Variants in MALRD1 observed in about 807,000 individuals in gnomAD.
The protein encoded by MALRD1 is MAM and LDL receptor class A domain containing 1.
Under a neutral mutation model 242.1 loss-of-function variants are expected in MALRD1, and 247 were observed. That is an observed-to-expected ratio of 1.02 (90% confidence interval 0.92 to 1.13). The LOEUF is 1.13. MALRD1 is among the 50% of genes most tolerant of loss of function. The probability of loss-of-function intolerance (pLI) is 0.00; values close to 1 mark genes in which losing one functional copy is unlikely to be tolerated. For synonymous variants in MALRD1, 995 were observed against 866.6 expected, an observed-to-expected ratio of 1.15 and a Z score of -2.60; for missense variants, 2,989 against 2,533.1, an observed-to-expected ratio of 1.18 and a Z score of -3.86.
At chr10:19,505,377 T>A (rs1323858957) in intron 31 of MALRD1, among the ~76,000 whole-genome samples, 1 of 152,068 alleles carries the variant, frequency 6.6e-6, no homozygotes, top group Non-Finnish European at 1.5e-5. Flanking sequence ...AGAGTCTTAG[T>A]TCAATAGGAC....
chr10:19,473,380 T>G (rs1323520735), intron 29 of MALRD1, among the ~76,000 whole-genome samples: 1 of 152,002 alleles, frequency 6.6e-6, no homozygotes, highest in Admixed American at 6.6e-5. Flanking sequence ...TTCAGTAGCC[T>G]TAAGTACATT....
chr10:19,202,881 T>A (rs2358347), intron 14 of MALRD1, among the ~76,000 whole-genome samples: 127,668 of 152,102 alleles, frequency 0.84, 54,023 homozygotes, highest in African/African-American at 0.95. Context: ...TTGGATTACG[T>A]TCCCACCCTA....
intron 36 of MALRD1, among the ~76,000 whole-genome samples, chr10:19,657,735 A>G (rs756186562): frequency 2.6e-5 from 4 of 152,188 alleles, no homozygotes; most frequent in Non-Finnish European, 5.9e-5. Context: ...TTAAACAGTT[A>G]ATTATTATTG....
intron 31 of MALRD1, among the ~76,000 whole-genome samples, chr10:19,508,994 A>G (rs1833274244): frequency 6.6e-6 from 1 of 152,204 alleles, no homozygotes; most frequent in Non-Finnish European, 1.5e-5. Flanking sequence ...TTTGACATCC[A>G]ATCCACTTTA....
chr10:19,070,462 A>G (rs1460856720), intron 2 of MALRD1, among the ~76,000 whole-genome samples: 1 of 152,120 alleles, frequency 6.6e-6, no homozygotes, highest in East Asian at 1.9e-4. Flanking sequence ...AAGCAGAAAA[A>G]TCCTAAGTGG....
chr10:19,448,166 C>G (rs953414182), intron 28 of MALRD1, among the ~76,000 whole-genome samples: 1 of 151,970 alleles, frequency 6.6e-6, no homozygotes, highest in Non-Finnish European at 1.5e-5. Flanking sequence ...CCTTGGTAGC[C>G]CCTCTTCAGA....
At chr10:19,447,894 C>T (rs1835090593) in intron 28 of MALRD1, among the ~76,000 whole-genome samples, 2 of 152,156 alleles carry the variant, frequency 1.3e-5, no homozygotes, top group South Asian at 2.1e-4. Flanking sequence ...GAATTCTCCA[C>T]CCCTTTCAAT....
At chr10:19,350,916 T>C (rs1844346259) in intron 25 of MALRD1, among the ~76,000 whole-genome samples, 1 of 152,142 alleles carries the variant, frequency 6.6e-6, no homozygotes, top group Non-Finnish European at 1.5e-5. Flanking sequence ...GGTACCCAAG[T>C]TTCACCGGTA....
chr10:19,573,345 C>T (rs1589254459), intron 33 of MALRD1, among the ~76,000 whole-genome samples: 1 of 152,170 alleles, frequency 6.6e-6, no homozygotes, highest in Non-Finnish European at 1.5e-5. Flanking sequence ...GATCAGGGCA[C>T]CTACCCAGCT....
intron 5 of MALRD1, among the ~76,000 whole-genome samples, chr10:19,117,651 G>A (rs1169901612): frequency 6.6e-6 from 1 of 152,214 alleles, no homozygotes; most frequent in South Asian, 2.1e-4. Context: ...CATTCCCTTA[G>A]TTGCATATGC....
chr10:19,451,889 G>A (rs900176857), intron 29 of MALRD1, among the ~76,000 whole-genome samples: 1 of 152,106 alleles, frequency 6.6e-6, no homozygotes, highest in Non-Finnish European at 1.5e-5. Flanking sequence ...CATGTAAGGA[G>A]CATGTAGCTC....
intron 36 of MALRD1, among the ~76,000 whole-genome samples, chr10:19,639,466 C>G (rs1027872442): frequency 6.6e-5 from 10 of 152,076 alleles, no homozygotes; most frequent in African/African-American, 1.7e-4. Flanking sequence ...CAGTTCACAC[C>G]ATACATTTTG....
chr10:19,142,813 C>G (rs1406971183), intron 10 of MALRD1, among the ~76,000 whole-genome samples: 1 of 152,130 alleles, frequency 6.6e-6, no homozygotes, highest in Non-Finnish European at 1.5e-5. Flanking sequence ...ACTCTCCCGG[C>G]TTTCTTCAGA....
chr10:19,201,873 T>C (rs1836554797), intron 14 of MALRD1, among the ~76,000 whole-genome samples: 1 of 152,178 alleles, frequency 6.6e-6, no homozygotes, highest in African/African-American at 2.4e-5. Context: ...TGGAGTGCAG[T>C]GGCAGGATCT....
In MALRD1 at chr10:19,532,721, GA is replaced by G. The variant is rs764103693; in HGVS notation, c.5478+1373del. On this transcript the variant is annotated intron_variant, in intron 32 of 39. Coordinates refer to ENST00000454679, the MANE Select transcript of MALRD1 (RefSeq NM_001142308.3). ...TTAAGTAAAAATCTAAACATGCAAAGAAAGTTGAGAATTTATCCTGACTCTG... is the reference window on the plus strand; with the variant it reads ...TTAAGTAAAAATCTAAACATGCAAAGAAGTTGAGAATTTATCCTGACTCTG... Among the ~76,000 whole-genome samples the G allele has an allele frequency of 2.4e-3, 288 of 121,460 alleles. 1 individual carries two copies. Among genetic ancestry groups the G allele is most frequent in the South Asian group, 4.3e-3 (14 of 3,222 alleles). The allele number at this position is 121,460 out of a possible 152,430, so 79.7% of individuals were successfully genotyped here. A position where few individuals can be genotyped will look rare whatever the true frequency, so the allele number is the denominator to read the frequency against.
chr10:19,324,057 C>CT lies in MALRD1; in HGVS notation c.3530dup (p.Leu1177PhefsTer23). The CT allele has an allele frequency of 6.4e-7, 1 of 1,550,556 alleles. No individual in the cohort carries two copies. Among genetic ancestry groups the CT allele is most frequent in the South Asian group, 1.2e-5 (1 of 84,052 alleles). ...TTTCACTCACGGGACCAAAATGTAC[C>CT]TTGGTGTTCTGGACACATATGAATG... On this transcript the variant is annotated frameshift_variant, in exon 22 of 40. Transcript: ENST00000454679. LOFTEE classifies it high-confidence loss of function.
intron 33 of MALRD1, among the ~76,000 whole-genome samples, chr10:19,574,392 C>A (rs774858923): frequency 6.6e-6 from 1 of 152,168 alleles, no homozygotes; most frequent in African/African-American, 2.4e-5. Flanking sequence ...AAGTCACTAT[C>A]AGATGAATTT....
intron 32 of MALRD1, among the ~76,000 whole-genome samples, chr10:19,555,389 C>A (rs117798710): frequency 0.011 from 1,655 of 152,180 alleles, 14 homozygotes; most frequent in Non-Finnish European, 0.018. Context: ...TTCATTTTTA[C>A]AACCATGGAG....
intron 21 of MALRD1, among the ~76,000 whole-genome samples, chr10:19,303,837 C>G (rs1312291949): frequency 1.3e-5 from 2 of 151,548 alleles, no homozygotes; most frequent in Non-Finnish European, 3.0e-5. Context: ...TCTGGACTTC[C>G]TAAAATTTAC....
Sources: allele counts gnomAD v4.1 joint callset (sites outside exome capture counted in the v4.1 genomes callset), GRCh38; gene constraint gnomAD v4.1.1; transcripts MANE v1.5; gene names NCBI Gene and HGNC (gene_info 2026-07-23, HGNC 2026-07-21).